Variants in CTTNBP2 observed in about 807,000 individuals in gnomAD.
CTTNBP2 encodes the protein cortactin binding protein 2, also known as cortactin-binding protein 2.
In CTTNBP2, 108 loss-of-function variants were observed where a neutral mutation model predicts 156.9. The ratio of observed to expected loss-of-function variants is 0.69; its 90% CI spans 0.59 to 0.81. The LOEUF is 0.81. Ranked by LOEUF, CTTNBP2 falls within the 30% of genes least tolerant of loss-of-function variation. The probability of loss-of-function intolerance (pLI) is 0.00; values close to 1 mark genes in which losing one functional copy is unlikely to be tolerated. For missense variants in CTTNBP2, 1,924 were observed against 2,035.4 expected (o/e 0.95, Z 1.05); for synonymous variants, 767 against 751.8 (o/e 1.02, Z -0.33).
intron 1 of CTTNBP2, among the ~76,000 whole-genome samples, chr7:117,864,190 AG>A (rs1803957403): frequency 1.3e-5 from 2 of 152,194 alleles, no homozygotes; most frequent in Admixed American, 1.3e-4. Flanking sequence ...ATCAATAAAG[AG>A]GGAAATTCAT....
intron 3 of CTTNBP2, among the ~76,000 whole-genome samples, chr7:117,807,855 T>C (rs1413684126): frequency 6.6e-6 from 1 of 152,220 alleles, no homozygotes; most frequent in African/African-American, 2.4e-5. Context: ...GCTAGTCCTC[T>C]AGGCTTTGCT....
intron 2 of CTTNBP2, among the ~76,000 whole-genome samples, chr7:117,834,204 G>A (rs1801790334): frequency 6.6e-6 from 1 of 151,980 alleles, no homozygotes; most frequent in South Asian, 2.1e-4. Context: ...ACAGGCACCT[G>A]CTACCACACC....
At chr7:117,863,783 A>T (rs1413527166) in intron 1 of CTTNBP2, among the ~76,000 whole-genome samples, 1 of 152,236 alleles carries the variant, frequency 6.6e-6, no homozygotes. Flanking sequence ...TCATGTAGAG[A>T]GGAATGGGGT....
chr7:117,790,823 C>T lies in CTTNBP2; in HGVS notation c.2068+305G>A, dbSNP rs535614900. Reference sequence around the variant, plus strand: ...TTAATAAGAAGGAATACTCTTTTCTCCCATGTAAATATTTTAGTCTCTCTA... The same window carrying T: ...TTAATAAGAAGGAATACTCTTTTCTTCCATGTAAATATTTTAGTCTCTCTA... On this transcript the variant is annotated intron_variant, in intron 4 of 22. Coordinates refer to ENST00000160373, the MANE Select transcript of CTTNBP2 (RefSeq NM_033427.3). Among the ~76,000 whole-genome samples, 69 of 152,216 alleles carry T rather than the reference C, an allele frequency of 4.5e-4. 1 individual carries two copies. The highest frequency in any genetic ancestry group is 3.4e-3 in the Middle Eastern group (1 of 294).
chr7:117,745,869 A>G lies in CTTNBP2; in HGVS notation c.3497T>C (p.Phe1166Ser), dbSNP rs780111237. The G allele has an allele frequency of 5.0e-6, 8 of 1,614,122 alleles. No homozygotes were observed. The South Asian group carries it at 8.8e-5, about 18-fold the overall frequency. The change falls in exon 14 of 23, where the codon TTT becomes TCT. Residue 1166 changes from phenylalanine to serine, a missense_variant. By Grantham distance (155) the Phe-to-Ser change is radical. Transcript: ENST00000160373. ...EIVRAEVDAGFSKEQLLDLFI... is the reference protein window; with the variant it reads ...EIVRAEVDAGSSKEQLLDLFI... ...CAGGTCTAGTAGCTGTTCCTTGGAA[A>G]AACCAGCATCTACTTCAGCTCTCAC...
chr7:117,764,075 C>T (rs576754199), intron 9 of CTTNBP2, among the ~76,000 whole-genome samples: 7 of 152,192 alleles, frequency 4.6e-5, no homozygotes, highest in Admixed American at 1.3e-4. Context: ...CCTGTGACTC[C>T]CTGGCTTGTT....
At chr7:117,865,802 C>A (rs890135106) in intron 1 of CTTNBP2, among the ~76,000 whole-genome samples, 2 of 150,318 alleles carry the variant, frequency 1.3e-5, no homozygotes, top group Non-Finnish European at 3.0e-5. Context: ...TTTTAAAAAT[C>A]TGGCATGGCA....
intron 2 of CTTNBP2, among the ~76,000 whole-genome samples, chr7:117,841,740 A>T (rs1447267271): frequency 6.6e-6 from 1 of 152,270 alleles, no homozygotes; most frequent in Non-Finnish European, 1.5e-5. Context: ...GCATGATTAT[A>T]CAGGCAGAGA....
chr7:117,763,457 T>C (rs1349606941), intron 9 of CTTNBP2, among the ~76,000 whole-genome samples: 1 of 152,144 alleles, frequency 6.6e-6, no homozygotes, highest in Non-Finnish European at 1.5e-5. Context: ...TTAATCCTTA[T>C]AGTCTAGGGA....
intron 2 of CTTNBP2, among the ~76,000 whole-genome samples, chr7:117,830,024 C>T (rs1019693118): frequency 1.3e-5 from 2 of 152,194 alleles, no homozygotes; most frequent in African/African-American, 2.4e-5. Context: ...ACAATTCCTA[C>T]TCCATTCCAT....
chr7:117,773,338 A>G (rs1289428053), intron 8 of CTTNBP2, among the ~76,000 whole-genome samples: 2 of 152,188 alleles, frequency 1.3e-5, no homozygotes, highest in African/African-American at 4.8e-5. Context: ...CAGTGTGAGT[A>G]GAAACGTCTG....
chr7:117,768,460 G>A (rs976456860), intron 8 of CTTNBP2, among the ~76,000 whole-genome samples: 12 of 151,144 alleles, frequency 7.9e-5, no homozygotes, highest in Non-Finnish European at 1.2e-4. Context: ...CAGCTACCCC[G>A]GAGGCTAAGG....
chr7:117,758,050 C>A lies in CTTNBP2; in HGVS notation c.3173-80G>T, dbSNP rs555289835. 4 of 978,800 alleles carry A rather than the reference C, an allele frequency of 4.1e-6. No homozygotes were observed. The South Asian group carries it at 6.0e-5, about 15-fold the overall frequency. The allele number at this position is 978,800 out of a possible 1,614,324, so 60.6% of individuals were successfully genotyped here. On this transcript the variant is annotated intron_variant, in intron 10 of 22. Transcript: ENST00000160373. ...CACAAGGGTAAACATATGCTCTCTTCTGTGAGAACCCTAAGGAATTCAGAG... is the reference window on the plus strand; with the variant it reads ...CACAAGGGTAAACATATGCTCTCTTATGTGAGAACCCTAAGGAATTCAGAG...
rs1799067137 is a variant in CTTNBP2, at chr7:117,792,183, G to A, written c.1013C>T (p.Ser338Phe). ...VKPSTGSPLVSANAKGSVCTS... is the reference protein window; with the variant it reads ...VKPSTGSPLVFANAKGSVCTS... ...GCACACGCTCCCTTTTGCATTTGCA[G>A]AAACTAGGGGACTCCCTGTGGAAGG... The change falls in exon 4 of 23, where the codon TCT (serine) becomes TTT (phenylalanine). Residue 338 changes from serine (S) to phenylalanine (F), a missense_variant. Coordinates refer to ENST00000160373, the MANE Select transcript of CTTNBP2 (RefSeq NM_033427.3). The surrounding 1 kb of genome is among the most constrained non-coding windows in gnomAD (Gnocchi z 4.2). The A allele has an allele frequency of 6.2e-7, 1 of 1,614,104 alleles. No homozygotes were observed. Among genetic ancestry groups the A allele is most frequent in the Non-Finnish European group, 8.5e-7 (1 of 1,180,058 alleles).
At chr7:117,873,064 G>A (rs1321957434) in intron 1 of CTTNBP2, among the ~76,000 whole-genome samples, 4 of 152,208 alleles carry the variant, frequency 2.6e-5, no homozygotes, top group Admixed American at 6.5e-5. Flanking sequence ...GACGCAGACA[G>A]GGAGCTGGGA....
At chr7:117,713,930 A>ATTTACAGGGAAAG (rs1368324408) in intron 22 of CTTNBP2, 3 of 152,214 alleles carry the variant, frequency 2.0e-5, no homozygotes, top group African/African-American at 7.2e-5. Context: ...GGCCACCTGC[A>ATTTACAGGGAAAG]TTTACAGGGA....
At chr7:117,775,023 T>A (rs1798017219) in intron 8 of CTTNBP2, among the ~76,000 whole-genome samples, 1 of 152,142 alleles carries the variant, frequency 6.6e-6, no homozygotes, top group South Asian at 2.1e-4. Context: ...TTTTCCAATA[T>A]CTTTGACTAG....
intron 2 of CTTNBP2, among the ~76,000 whole-genome samples, chr7:117,858,563 C>T (rs1043981656): frequency 2.0e-5 from 3 of 152,122 alleles, no homozygotes; most frequent in African/African-American, 7.2e-5. Context: ...GCCAGTGGTT[C>T]TCCACAGGAG....
intron 10 of CTTNBP2, chr7:117,758,241 C>T: frequency 4.9e-6 from 2 of 404,546 alleles, no homozygotes; most frequent in East Asian, 8.4e-5. Flanking sequence ...CAAATATATC[C>T]ACTCAGATAT....
Sources: gnomAD v4.1 joint callset for allele counts (sites outside exome capture counted in the v4.1 genomes callset) on GRCh38, gnomAD v4.1.1 for gene constraint, Gnocchi (gnomAD v3.1) non-coding constraint, MANE v1.5 for transcripts, NCBI Gene and HGNC (gene_info 2026-07-23, HGNC 2026-07-21) for gene names.